Variants in C5AR1 observed in about 807,000 individuals in gnomAD.
C5AR1 encodes the protein complement C5a receptor 1.
In C5AR1, 4 loss-of-function variants were observed where a neutral mutation model predicts 2.4. The observed-to-expected ratio is 1.65, with a 90% CI of 0.81 to 3.77. The LOEUF is 3.77. Ranked by LOEUF, C5AR1 falls within the 30% of genes most tolerant of loss-of-function variation. C5AR1 has a pLI of 0.01. For synonymous variants in C5AR1, 209 were observed against 210.4 expected (o/e 0.99, Z 0.06); for missense variants, 418 against 462.5 (o/e 0.90, Z 0.88).
At chr19:47,315,382 C>T (rs1334024702) in intron 1 of C5AR1, among the ~76,000 whole-genome samples, 1 of 152,092 alleles carries the variant, frequency 6.6e-6, no homozygotes, top group East Asian at 1.9e-4. Flanking sequence ...TTTTTTCTGC[C>T]TTTCTGAAGT....
Position 47,320,988 on chromosome 19 carries a change from C to T in C5AR1, c.*158C>T, listed in dbSNP as rs185422400. On this transcript the variant is annotated 3_prime_UTR_variant, in exon 2 of 2. Transcript: ENST00000355085. This position sits in a 1 kb window ranked among gnomAD's most constrained non-coding sequence, Gnocchi z 4.9. ...CCCAGACTTGTCCCTCCTTTTCCAG[C>T]GGGACTCTTCTCATCCTTCCTCATT... 2.5e-5 allele frequency: 16 copies of T among 634,592 alleles called. 1 individual carries two copies. The highest frequency in any genetic ancestry group is 1.3e-4 in the African/African-American group (7 of 54,212). 39.3% of individuals were successfully genotyped at this position (634,592 alleles called of 1,614,324 possible). A position where few individuals can be genotyped will look rare whatever the true frequency, so the allele number is the denominator to read the frequency against.
At chr19:47,313,636 C>T (rs781462050) in intron 1 of C5AR1, among the ~76,000 whole-genome samples, 4 of 151,694 alleles carry the variant, frequency 2.6e-5, no homozygotes, top group African/African-American at 9.7e-5. Flanking sequence ...CCCAGCTACT[C>T]GGGAGGCTGA....
chr19:47,319,834 C>T lies in C5AR1; in HGVS notation c.57C>T (p.Thr19=). The T allele has an allele frequency of 1.2e-6, 2 of 1,614,024 alleles. No individual in the cohort carries two copies. The highest frequency in any genetic ancestry group is 8.5e-7 in the Non-Finnish European group (1 of 1,179,868). ...PDYGHYDDKD[T]LDLNTPVDKT... ...ATGGGCACTATGATGACAAGGATAC[C>T]CTGGACCTCAACACCCCTGTGGATA... Residue 19 remains threonine, a synonymous_variant, in exon 2 of 2, where the codon ACC becomes ACT. Coordinates refer to ENST00000355085, the MANE Select transcript of C5AR1 (RefSeq NM_001736.4).
chr19:47,308,117 G>A (rs1435337278), upstream of C5AR1, among the ~76,000 whole-genome samples: 1 of 150,668 alleles, frequency 6.6e-6, no homozygotes, highest in African/African-American at 2.4e-5. Context: ...GGAGGCTGAG[G>A]CAGGAGAATC....
At position 47,320,589 on chromosome 19, in the gene C5AR1, C is replaced by A. The variant is rs200857143; in HGVS notation, c.812C>A (p.Ser271Ter). Residue 271 changes from serine (S) to a stop codon, truncating the protein, a stop_gained, in exon 2 of 2, where the codon TCG (serine) becomes TAG (stop). Transcript: ENST00000355085. LOFTEE classifies it low-confidence loss of function (END_TRUNC). This position sits in a 1 kb window ranked among gnomAD's most constrained non-coding sequence, Gnocchi z 4.9. ...ATAATGATGTCCTTCCTGGAGCCAT[C>A]GTCACCCACCTTCCTGCTGCTGAAG... ...TGIMMSFLEP[S>*]SPTFLLLKKL... 1.1e-5 allele frequency: 17 copies of A among 1,613,900 alleles called. No individual in the cohort carries two copies. The South Asian group carries it at 1.9e-4, about 18-fold the overall frequency.
chr19:47,319,307 T>TC (rs1243320234), intron 1 of C5AR1, among the ~76,000 whole-genome samples: 1 of 139,496 alleles, frequency 7.2e-6, no homozygotes. Context: ...TCATTTCATT[T>TC]TTTTTTTTTT....
At chr19:47,309,731 G>A (rs1207735878), upstream of C5AR1, 7 of 597,128 alleles carry the variant, frequency 1.2e-5, no homozygotes, top group African/African-American at 9.6e-5. Context: ...CTGGGTGTGT[G>A]CCCCGCAGAG....
chr19:47,311,187 AT>A (rs1223044025), intron 1 of C5AR1, among the ~76,000 whole-genome samples: 1 of 150,518 alleles, frequency 6.6e-6, no homozygotes, highest in Non-Finnish European at 1.5e-5. Flanking sequence ...TTTCCAAAAC[AT>A]TTTCCAAAGT....
chr19:47,319,713 C>G (rs1280866054), intron 1 of C5AR1, 68 bp from the exon 2 acceptor site: 6 of 1,019,580 alleles, frequency 5.9e-6, no homozygotes, highest in Non-Finnish European at 9.0e-6. Context: ...CATGCCTGAG[C>G]CAGGATGCCC....
chr19:47,310,261 C>G (rs2059265722), intron 1 of C5AR1, among the ~76,000 whole-genome samples: 2 of 152,102 alleles, frequency 1.3e-5, no homozygotes, highest in South Asian at 4.1e-4. Context: ...GATCCCAGCA[C>G]ATTGGGGATT....
At chr19:47,319,718 A>G (rs2059301717) in intron 1 of C5AR1, 63 bp from the exon 2 acceptor site, 2 of 1,056,674 alleles carry the variant, frequency 1.9e-6, no homozygotes, top group African/African-American at 3.1e-5. Context: ...CTGAGCCAGG[A>G]TGCCCCCTAC....
upstream of C5AR1, chr19:47,307,529 G>A (rs903865922): frequency 1.3e-5 from 2 of 152,096 alleles, no homozygotes; most frequent in Non-Finnish European, 2.9e-5. Flanking sequence ...TGTATTTTTA[G>A]TAGAGATGGG....
intron 1 of C5AR1, among the ~76,000 whole-genome samples, chr19:47,310,312 A>G (rs2059265869): frequency 6.6e-6 from 1 of 151,786 alleles, no homozygotes; most frequent in African/African-American, 2.4e-5. Context: ...GGAGTTCAAG[A>G]CCAGCCTGGC....
At chr19:47,308,768 C>CTGG (rs2059261263), upstream of C5AR1, among the ~76,000 whole-genome samples, 1 of 143,890 alleles carries the variant, frequency 6.9e-6, no homozygotes, top group African/African-American at 2.6e-5. Flanking sequence ...ATTGGCCAGG[C>CTGG]TGGTGACGAT....
intron 1 of C5AR1, among the ~76,000 whole-genome samples, chr19:47,315,342 C>G (rs981183220): frequency 2.0e-5 from 3 of 152,152 alleles, no homozygotes; most frequent in East Asian, 1.9e-4. Context: ...CTGAAGATCC[C>G]GGAAACCACA....
At position 47,320,316 on chromosome 19, in the gene C5AR1, A is replaced by G. The variant is rs2059305010; in HGVS notation, c.539A>G (p.Glu180Gly). 6.2e-7 allele frequency: 1 copy of G among 1,610,238 alleles called. No individual in the cohort carries two copies. Among genetic ancestry groups the G allele is most frequent in the Admixed American group, 1.7e-5 (1 of 59,982 alleles). Residue 180 changes from glutamate (E) to glycine (G), a missense_variant, in exon 2 of 2, where the codon GAG (glutamate) becomes GGG (glycine). Physicochemically the swap from Glu to Gly is moderately conservative, Grantham distance 98. Transcript: ENST00000355085. This position sits in a 1 kb window ranked among gnomAD's most constrained non-coding sequence, Gnocchi z 4.9. The stretch of plus-strand genomic sequence containing the variant: ...TTCCTGTACCGGGTGGTCCGGGAGG[A>G]GTACTTTCCACCAAAGGTGTTGTGT... Reference protein sequence around the residue: ...PSFLYRVVREEYFPPKVLCGV... With the variant: ...PSFLYRVVREGYFPPKVLCGV...
intron 1 of C5AR1, among the ~76,000 whole-genome samples, chr19:47,315,884 T>C (rs892940619): frequency 6.6e-6 from 1 of 152,150 alleles, no homozygotes; most frequent in Non-Finnish European, 1.5e-5. Context: ...CAGGCTCATA[T>C]ACATATACAT....
intron 1 of C5AR1, among the ~76,000 whole-genome samples, chr19:47,310,471 C>T (rs1340748539): frequency 6.6e-6 from 1 of 152,132 alleles, no homozygotes. Flanking sequence ...GGTCAAGTTA[C>T]TCAGATGCTC....
chr19:47,320,027 C>G lies in C5AR1; in HGVS notation c.250C>G (p.Leu84Val), dbSNP rs745712650. The G allele has an allele frequency of 1.9e-6, 3 of 1,614,228 alleles. No homozygotes were observed. In the South Asian group the frequency reaches 3.3e-5, roughly 18 times the overall value. The change falls in exon 2 of 2, where the codon CTC becomes GTC. Residue 84 changes from leucine to valine, a missense_variant. Physicochemically the swap from Leu to Val is conservative, Grantham distance 32. Coordinates refer to ENST00000355085, the MANE Select transcript of C5AR1 (RefSeq NM_001736.4). The surrounding 1 kb of genome is among the most constrained non-coding windows in gnomAD (Gnocchi z 4.9). ...CCTCAACTTGGCGGTAGCCGACTTC[C>G]TCTCCTGCCTGGCGCTGCCCATCTT... Reference protein sequence around the residue: ...WFLNLAVADFLSCLALPILFT... With the variant: ...WFLNLAVADFVSCLALPILFT...
Sources: gnomAD v4.1 joint callset for allele counts (sites outside exome capture counted in the v4.1 genomes callset) on GRCh38, gnomAD v4.1.1 for gene constraint, Gnocchi (gnomAD v3.1) non-coding constraint, MANE v1.5 for transcripts, NCBI Gene and HGNC (gene_info 2026-07-23, HGNC 2026-07-21) for gene names.